Variants in PRPF6 observed in about 807,000 individuals in gnomAD.
PRPF6 encodes pre-mRNA-processing factor 6.
PRPF6 carries 42 observed loss-of-function variants against 118.3 expected under a neutral mutation model. The observed-to-expected ratio is 0.35, with a 90% confidence interval of 0.28 to 0.46. The LOEUF is 0.46. Among genes scored for constraint, PRPF6 ranks in the 20% least tolerant of loss-of-function variants. The pLI, the probability that PRPF6 is intolerant of heterozygous loss-of-function variation, is 1.00. For synonymous variants in PRPF6, 481 were observed against 485.1 expected, an observed-to-expected ratio of 0.99 and a Z score of 0.11; for missense variants, 662 against 1,255.7, an observed-to-expected ratio of 0.53 and a Z score of 7.15.
At chr20:64,025,167 A>G (rs1224789911) in intron 14 of PRPF6, among the ~76,000 whole-genome samples, 1 of 152,214 alleles carries the variant, frequency 6.6e-6, no homozygotes, top group Non-Finnish European at 1.5e-5. Flanking sequence ...GCTCAGGCTA[A>G]TATCATAGAG....
chr20:64,021,694 GCA>G (rs2059265840), intron 12 of PRPF6, among the ~76,000 whole-genome samples: 2 of 149,944 alleles, frequency 1.3e-5, no homozygotes, highest in African/African-American at 5.0e-5. Context: ...GCGTGTGTGT[GCA>G]CGTATGCATA....
intron 19 of PRPF6, among the ~76,000 whole-genome samples, chr20:64,030,002 G>C (rs1453279010): frequency 6.6e-6 from 1 of 151,898 alleles, no homozygotes; most frequent in Non-Finnish European, 1.5e-5. Flanking sequence ...GCTGGCCGCT[G>C]GGTCAGAGAC....
intron 1 of PRPF6, among the ~76,000 whole-genome samples, chr20:63,981,648 C>A (rs147176547): frequency 7.0e-6 from 1 of 143,402 alleles, no homozygotes; most frequent in Admixed American, 7.0e-5. Context: ...GACACTCCCC[C>A]CCCCCGCCCG....
rs1218671275 is a variant in PRPF6 at position 64,016,806 on chromosome 20, G to A, written c.1608G>A (p.Glu536=). ...CCGTGATTGGGATTGGGATTGAGGA[G>A]GAAGATCGGAAGCATACCTGGATGG... ...MRAVIGIGIE[E]EDRKHTWMED... Residue 536 remains glutamate (E), a synonymous_variant, in exon 12 of 21, where the codon GAG becomes GAA. Transcript: ENST00000266079. 2.4e-5 allele frequency: 38 copies of A among 1,614,118 alleles called. No homozygotes were observed. The highest frequency in any genetic ancestry group is 3.1e-5 in the Non-Finnish European group (36 of 1,180,040).
intron 11 of PRPF6, among the ~76,000 whole-genome samples, chr20:64,014,759 A>G (rs1050770268): frequency 6.6e-6 from 1 of 152,258 alleles, no homozygotes; most frequent in Non-Finnish European, 1.5e-5. Context: ...CATGCTCAGA[A>G]CACCTACCTT....
chr20:63,998,283 C>T (rs1293923338), intron 6 of PRPF6, among the ~76,000 whole-genome samples: 2 of 150,010 alleles, frequency 1.3e-5, no homozygotes, highest in Middle Eastern at 3.2e-3. Flanking sequence ...TTAGTAGACA[C>T]GGGGTTTCAC....
rs771136935 is a variant in PRPF6 at position 63,983,147 on chromosome 20, G to A, written c.172G>A (p.Asp58Asn). 6.2e-7 allele frequency: 1 copy of A among 1,614,186 alleles called. No homozygotes were observed. The highest frequency in any genetic ancestry group is 1.1e-5 in the South Asian group (1 of 91,088). The change falls in exon 2 of 21, where the codon GAC becomes AAC. Residue 58 changes from aspartate to asparagine, a missense_variant. Transcript: ENST00000266079. ...HAPPGKRTVG[D>N]QMKKNQAADD... ...ACCCCCAGGCAAGAGAACCGTTGGG[G>A]ACCAGATGAAGAAAAATCAGGCTGC...
chr20:64,025,971 A>G lies in PRPF6; in HGVS notation c.1941A>G (p.Ala647=), dbSNP rs2059287932. ...ANPNSEEIWL[A]AVKLESENDE... ...CCAACAGTGAGGAGATCTGGCTGGC[A>G]GCCGTGAAGCTGGAGTCCGAGAATG... is the stretch of plus-strand genomic sequence containing the variant. The change falls in exon 15 of 21, where the codon GCA becomes GCG. Residue 647 remains alanine, a synonymous_variant. Coordinates refer to ENST00000266079, the MANE Select transcript of PRPF6 (RefSeq NM_012469.4). 1 of 1,613,446 alleles carries G rather than the reference A, an allele frequency of 6.2e-7. No individual in the cohort carries two copies. The highest frequency in any genetic ancestry group is 1.3e-5 in the African/African-American group (1 of 74,940).
intron 2 of PRPF6, among the ~76,000 whole-genome samples, chr20:63,984,359 T>C (rs1037468196): frequency 1.3e-5 from 2 of 151,306 alleles, no homozygotes; most frequent in Non-Finnish European, 2.9e-5. Flanking sequence ...AGGCGGAGGT[T>C]GCGGTGAGCC....
At chr20:63,983,248 G>A (rs370294696) in intron 2 of PRPF6, 33 bp downstream of exon 2, 1 of 1,613,816 alleles carries the variant, frequency 6.2e-7, no homozygotes, top group African/African-American at 1.3e-5. Flanking sequence ...GGCTCCTCCA[G>A]CCAGTCTCTG....
Position 64,011,157 on chromosome 20 carries a change from T to C in PRPF6, c.1306-128T>C. 1 of 797,318 alleles carries C rather than the reference T, an allele frequency of 1.3e-6. No homozygotes were observed. Among genetic ancestry groups the C allele is most frequent in the Non-Finnish European group, 2.1e-6 (1 of 471,208 alleles). The allele number at this position is 797,318 out of a possible 1,614,324, so 49.4% of individuals were successfully genotyped here. On this transcript the variant is annotated intron_variant, in intron 10 of 20. Coordinates refer to ENST00000266079, the MANE Select transcript of PRPF6 (RefSeq NM_012469.4). This position sits in a 1 kb window ranked among gnomAD's most constrained non-coding sequence, Gnocchi z 6.7. The stretch of plus-strand genomic sequence containing the variant: ...GCTGCTGTGGACACTTCTCAGGCCA[T>C]GTTCAGATGGTTCTCGAGAGCTAAG...
intron 11 of PRPF6, among the ~76,000 whole-genome samples, chr20:64,015,459 G>A (rs1213219150): frequency 6.6e-6 from 1 of 152,232 alleles, no homozygotes; most frequent in East Asian, 1.9e-4. Flanking sequence ...GAGGGTCTGG[G>A]AGGCATGTGG....
intron 3 of PRPF6, among the ~76,000 whole-genome samples, chr20:63,987,932 C>T (rs1389226525): frequency 2.6e-5 from 4 of 152,096 alleles, no homozygotes; most frequent in Admixed American, 1.3e-4. Context: ...CCTGTAATCC[C>T]AGCACTTTGG....
At chr20:63,999,344 C>A (rs1173456433) in intron 7 of PRPF6, among the ~76,000 whole-genome samples, 1 of 152,180 alleles carries the variant, frequency 6.6e-6, no homozygotes, top group Non-Finnish European at 1.5e-5. Context: ...ACTGCAAAGT[C>A]CCTGCCTGTG....
chr20:63,982,356 G>C (rs2059073440), intron 1 of PRPF6, among the ~76,000 whole-genome samples: 1 of 151,832 alleles, frequency 6.6e-6, no homozygotes, highest in African/African-American at 2.4e-5. Context: ...ATTTTTAGTA[G>C]AGACAGGGTT....
chr20:63,986,766 G>T (rs949302275), intron 3 of PRPF6, among the ~76,000 whole-genome samples: 4 of 151,890 alleles, frequency 2.6e-5, no homozygotes, highest in Non-Finnish European at 5.9e-5. Flanking sequence ...GGGATTACAG[G>T]CGTGAGCCAC....
rs1324515373 is a variant in PRPF6, at chr20:64,011,773, ATACACC to A, written c.1524+274_1524+279del. On this transcript the variant is annotated intron_variant, in intron 11 of 20. Coordinates refer to ENST00000266079, the MANE Select transcript of PRPF6 (RefSeq NM_012469.4). The surrounding 1 kb of genome is among the most constrained non-coding windows in gnomAD (Gnocchi z 6.7). ...CTGCATTTCTTTGCTAGTAGAAATG[ATACACC>A]TACGAGAGGAGGACAGGAAGTCTCA... 6.7e-6 allele frequency among the ~76,000 whole-genome samples: 1 copy of A among 150,148 alleles called. No homozygotes were observed. The highest frequency in any genetic ancestry group is 1.5e-5 in the Non-Finnish European group (1 of 67,540).
At chr20:63,994,840 A>G in intron 4 of PRPF6, 76 bp from the exon 5 acceptor site, 1 of 1,582,190 alleles carries the variant, frequency 6.3e-7, no homozygotes, top group Non-Finnish European at 8.7e-7. Context: ...GCTAGGGGTG[A>G]GAGAGGGCAT....
At chr20:64,020,639 T>C (rs988085412) in intron 12 of PRPF6, among the ~76,000 whole-genome samples, 2 of 152,072 alleles carry the variant, frequency 1.3e-5, no homozygotes, top group African/African-American at 4.8e-5. Flanking sequence ...TTCTTGAGTA[T>C]AGGGAAAAAA....
Sources: gnomAD v4.1 joint callset for allele counts (sites outside exome capture counted in the v4.1 genomes callset) on GRCh38, gnomAD v4.1.1 for gene constraint, Gnocchi (gnomAD v3.1) non-coding constraint, MANE v1.5 for transcripts, NCBI Gene and HGNC (gene_info 2026-07-23, HGNC 2026-07-21) for gene names.